GALNT13: variants seen among roughly 807,000 people sequenced by gnomAD.
GALNT13 encodes the protein polypeptide N-acetylgalactosaminyltransferase 13.
In GALNT13, 28 loss-of-function variants were observed where a neutral mutation model predicts 64.2. The observed-to-expected ratio is 0.44, with a 90% confidence interval of 0.32 to 0.60. The LOEUF (loss-of-function observed/expected upper bound fraction) is 0.60. Ranked by LOEUF, GALNT13 falls within the 20% of genes least tolerant of loss-of-function variation. The pLI, the probability that GALNT13 is intolerant of heterozygous loss-of-function variation, is 0.05. For synonymous variants in GALNT13, 214 were observed against 224.6 expected, an observed-to-expected ratio of 0.95 and a Z score of 0.42; for missense variants, 577 against 669.8, an observed-to-expected ratio of 0.86 and a Z score of 1.53.
the GALNT13 span, among the ~76,000 whole-genome samples, chr2:153,705,395 T>TAA: frequency 5.8e-5 from 8 of 137,048 alleles, no homozygotes; most frequent in South Asian, 2.3e-4. Flanking sequence ...GTACCACTGT[T>TAA]AAAAAAAAAA....
the GALNT13 span, among the ~76,000 whole-genome samples, chr2:153,091,565 G>C: frequency 6.6e-6 from 1 of 152,166 alleles, no homozygotes; most frequent in Non-Finnish European, 1.5e-5. Flanking sequence ...GGTAGTTCTT[G>C]GAGCAAAAAA....
At chr2:153,274,027 T>G in the GALNT13 span, among the ~76,000 whole-genome samples, 1 of 152,102 alleles carries the variant, frequency 6.6e-6, no homozygotes, top group Admixed American at 6.6e-5. Context: ...GACTTAAATG[T>G]TGTTCAAATA....
chr2:153,290,577 C>T, the GALNT13 span, among the ~76,000 whole-genome samples: 1 of 152,074 alleles, frequency 6.6e-6, no homozygotes, highest in African/African-American at 2.4e-5. Flanking sequence ...TGAACAATAC[C>T]AATCTCCTTA....
At chr2:154,227,987 A>G (rs1688713694) in intron 4 of GALNT13, among the ~76,000 whole-genome samples, 1 of 152,090 alleles carries the variant, frequency 6.6e-6, no homozygotes, top group Non-Finnish European at 1.5e-5. Context: ...AATCACTGTA[A>G]ATGTCAAATC....
intron 3 of GALNT13, among the ~76,000 whole-genome samples, chr2:154,044,656 G>C (rs1451048336): frequency 6.6e-6 from 1 of 152,194 alleles, no homozygotes; most frequent in Non-Finnish European, 1.5e-5. Context: ...CTAGATGTTA[G>C]AGGTATTTAG....
the GALNT13 span, among the ~76,000 whole-genome samples, chr2:153,554,826 C>G: frequency 3.9e-5 from 6 of 152,194 alleles, no homozygotes; most frequent in Non-Finnish European, 7.4e-5. Context: ...AATATACTCA[C>G]ATACGCCCTT....
At chr2:154,454,277 G>T (rs1701980323), downstream of GALNT13, among the ~76,000 whole-genome samples, 2 of 152,068 alleles carry the variant, frequency 1.3e-5, no homozygotes, top group Non-Finnish European at 2.9e-5. Context: ...ATCTAAAGTG[G>T]TGTTGCCTGG....
intron 9 of GALNT13, among the ~76,000 whole-genome samples, chr2:154,351,956 T>C (rs1276368350): frequency 6.6e-6 from 1 of 152,148 alleles, no homozygotes; most frequent in Non-Finnish European, 1.5e-5. Context: ...AACTACTAGA[T>C]GTTTTAGGAA....
chr2:153,277,927 C>CTTTTTTTTTTTTTTCTTTTCTTTT, the GALNT13 span, among the ~76,000 whole-genome samples: 1 of 80,112 alleles, frequency 1.2e-5, no homozygotes, highest in Non-Finnish European at 2.3e-5. Context: ...TCTTTTCTTT[C>CTTTTTTTTTTTTTTCTTTTCTTTT]TTTTTTTTTT....
the GALNT13 span, among the ~76,000 whole-genome samples, chr2:153,645,774 T>A: frequency 6.6e-6 from 1 of 152,108 alleles, no homozygotes; most frequent in Non-Finnish European, 1.5e-5. Flanking sequence ...TTTCACAGGA[T>A]CTTCATTTTA....
intron 9 of GALNT13, among the ~76,000 whole-genome samples, chr2:154,359,474 A>G (rs748701747): frequency 3.3e-5 from 5 of 152,076 alleles, no homozygotes; most frequent in Non-Finnish European, 7.4e-5. Context: ...CCATTCACCT[A>G]CTGGAGGCTT....
intron 3 of GALNT13, among the ~76,000 whole-genome samples, chr2:154,034,654 C>T (rs1021559989): frequency 2.0e-5 from 3 of 152,164 alleles, no homozygotes; most frequent in African/African-American, 4.8e-5. Context: ...TATTAATGTA[C>T]ACATTGTTTA....
At chr2:153,258,982 A>T in the GALNT13 span, among the ~76,000 whole-genome samples, 1 of 152,190 alleles carries the variant, frequency 6.6e-6, no homozygotes, top group Non-Finnish European at 1.5e-5. Flanking sequence ...TACAGTGCTG[A>T]TATGTCTGAT....
At chr2:153,143,355 T>G in the GALNT13 span, among the ~76,000 whole-genome samples, 12 of 152,172 alleles carry the variant, frequency 7.9e-5, no homozygotes, top group Admixed American at 7.2e-4. Context: ...CTTCTATCCT[T>G]TCTTTTGCAA....
chr2:153,262,226 G>A, the GALNT13 span, among the ~76,000 whole-genome samples: 2 of 152,158 alleles, frequency 1.3e-5, no homozygotes, highest in Admixed American at 1.3e-4. Context: ...AGTGTGTACT[G>A]CCTGGCTACC....
intron 4 of GALNT13, among the ~76,000 whole-genome samples, chr2:154,219,938 C>T (rs556623963): frequency 7.2e-5 from 11 of 152,118 alleles, no homozygotes; most frequent in South Asian, 2.1e-4. Flanking sequence ...ACCTAATTTC[C>T]GGTAAATGAA....
chr2:153,552,542 C>G, the GALNT13 span, among the ~76,000 whole-genome samples: 1 of 144,676 alleles, frequency 6.9e-6, no homozygotes, highest in Admixed American at 7.0e-5. Context: ...TGGAATGAGA[C>G]TGGTGAAGGT....
chr2:154,221,763 T>C (rs1688336566), intron 4 of GALNT13, among the ~76,000 whole-genome samples: 1 of 152,146 alleles, frequency 6.6e-6, no homozygotes, highest in East Asian at 1.9e-4. Context: ...AGCACAGCAA[T>C]TGACATTCAA....
intron 11 of GALNT13, among the ~76,000 whole-genome samples, chr2:154,417,282 CAAAAAAAAA>C (rs35825821): frequency 1.3e-5 from 1 of 75,134 alleles, no homozygotes; most frequent in Non-Finnish European, 2.5e-5. Context: ...AAACAAGCAC[CAAAAAAAAA>C]AAAAAAAAAA....
Sources: allele counts gnomAD v4.1 joint callset (sites outside exome capture counted in the v4.1 genomes callset), GRCh38; gene constraint gnomAD v4.1.1; transcripts MANE v1.5; gene names NCBI Gene and HGNC (gene_info 2026-07-23, HGNC 2026-07-21).